Variants in DCDC2C observed in about 807,000 individuals in gnomAD.
The protein encoded by DCDC2C is doublecortin domain containing 2C.
Under a neutral mutation model 45.0 loss-of-function variants are expected in DCDC2C, and 44 were observed. That is an observed-to-expected ratio of 0.98 (90% confidence interval 0.77 to 1.26). DCDC2C has a LOEUF of 1.26. Ranked by LOEUF, DCDC2C falls within the 50% of genes most tolerant of loss-of-function variation. DCDC2C has a pLI of 0.00. For missense variants in DCDC2C, 447 were observed against 468.9 expected, an observed-to-expected ratio of 0.95 and a Z score of 0.43; for synonymous variants, 187 against 178.8, an observed-to-expected ratio of 1.05 and a Z score of -0.37.
intron 1 of DCDC2C, 143 bp from the exon 2 acceptor site, chr2:3,708,406 A>G (rs1668123524): frequency 5.0e-6 from 3 of 595,220 alleles, no homozygotes. Context: ...GGATTCTAAC[A>G]CCGAGAAAAT....
chr2:3,790,203 T>C (rs1225081653), intron 10 of DCDC2C, among the ~76,000 whole-genome samples: 3 of 152,180 alleles, frequency 2.0e-5, no homozygotes, highest in Non-Finnish European at 4.4e-5. Flanking sequence ...ATGCCCCAGA[T>C]GAGAGCAGGT....
At chr2:3,710,579 C>G (rs1341246482) in intron 2 of DCDC2C, among the ~76,000 whole-genome samples, 1 of 152,192 alleles carries the variant, frequency 6.6e-6, no homozygotes. Context: ...GTCACCCAGG[C>G]AGTGAGCATA....
Position 3,734,602 on chromosome 2 carries a change from G to C in DCDC2C, c.417-7318G>C, listed in dbSNP as rs1349923693. ...CTCATTAAGCAGTGGGGTCTGTAGG[G>C]TCTGAACGGGATGAGGAATGTGTGT... On this transcript the variant is annotated intron_variant, in intron 3 of 10. Coordinates refer to ENST00000399143, the MANE Select transcript of DCDC2C (RefSeq NM_001287444.2). The surrounding 1 kb of genome is among the most constrained non-coding windows in gnomAD (Gnocchi z 4.2). Among the ~76,000 whole-genome samples the C allele has an allele frequency of 6.6e-6, 1 of 152,190 alleles. No individual in the cohort carries two copies. The highest frequency in any genetic ancestry group is 1.9e-4 in the East Asian group (1 of 5,184).
Position 3,732,964 on chromosome 2 carries a change from A to G in DCDC2C, c.416+5885A>G, listed in dbSNP as rs147696743. Among the ~76,000 whole-genome samples the G allele has an allele frequency of 2.3e-3, 350 of 152,308 alleles. 1 individual carries two copies. Among genetic ancestry groups the G allele is most frequent in the Non-Finnish European group, 3.9e-3 (268 of 68,022 alleles). ...AGTCTTCGACTAATATATTGTATTT[A>G]TAATTGCTTGTGTAATTTTGCTAGT... On this transcript the variant is annotated intron_variant, in intron 3 of 10. Transcript: ENST00000399143.
chr2:3,750,853 G>A (rs1275137975), intron 4 of DCDC2C, among the ~76,000 whole-genome samples: 1 of 151,932 alleles, frequency 6.6e-6, no homozygotes, highest in Non-Finnish European at 1.5e-5. Flanking sequence ...TCTTTTCACC[G>A]GTGTCGGCAC....
chr2:3,730,337 G>C (rs1165180681), intron 3 of DCDC2C, among the ~76,000 whole-genome samples: 1 of 152,112 alleles, frequency 6.6e-6, no homozygotes, highest in Middle Eastern at 3.2e-3. Flanking sequence ...AAACCATCCA[G>C]TAAGTGGAGG....
chr2:3,750,534 C>A (rs928653556), intron 4 of DCDC2C, among the ~76,000 whole-genome samples: 1 of 152,052 alleles, frequency 6.6e-6, no homozygotes, highest in Non-Finnish European at 1.5e-5. Flanking sequence ...CTTTAATGTT[C>A]TTTCCTTCTA....
At chr2:3,798,487 A>T (rs1187108077) in intron 10 of DCDC2C, among the ~76,000 whole-genome samples, 1 of 150,448 alleles carries the variant, frequency 6.6e-6, no homozygotes, top group Non-Finnish European at 1.5e-5. Flanking sequence ...ACATTTTGGC[A>T]TGATTTTGCA....
intron 4 of DCDC2C, among the ~76,000 whole-genome samples, chr2:3,745,877 T>A (rs1250649334): frequency 1.8e-5 from 2 of 114,046 alleles, no homozygotes; most frequent in East Asian, 5.3e-4. Context: ...TCATGACTAA[T>A]TTTTTTTTTT....
chr2:3,729,382 C>T (rs776149764), intron 3 of DCDC2C, among the ~76,000 whole-genome samples: 1 of 152,190 alleles, frequency 6.6e-6, no homozygotes, highest in African/African-American at 2.4e-5. Flanking sequence ...CACAGCTGGA[C>T]ATTAGTGAAA....
chr2:3,723,562 T>C (rs1349646285), intron 2 of DCDC2C, among the ~76,000 whole-genome samples: 1 of 152,156 alleles, frequency 6.6e-6, no homozygotes, highest in African/African-American at 2.4e-5. Context: ...CCAGCTTGCA[T>C]GGCCCGAGGC....
At chr2:3,779,322 C>T (rs919369414) in intron 9 of DCDC2C, among the ~76,000 whole-genome samples, 49 of 152,248 alleles carry the variant, frequency 3.2e-4, no homozygotes, top group South Asian at 1.4e-3. Flanking sequence ...AGGGTGAGGG[C>T]GTGCGGTGCC....
intron 7 of DCDC2C, 45 bp from the exon 8 acceptor site, chr2:3,769,266 C>T (rs774270953): frequency 6.6e-7 from 1 of 1,524,046 alleles, no homozygotes. Context: ...TGGACTCCAG[C>T]TTCTCCATGG....
At chr2:3,799,587 G>A (rs201075747) in intron 10 of DCDC2C, among the ~76,000 whole-genome samples, 39 of 148,304 alleles carry the variant, frequency 2.6e-4, no homozygotes, top group Non-Finnish European at 3.0e-4. Context: ...CCTTCTAACA[G>A]ACAGGACCCT....
chr2:3,711,093 G>T (rs1049218082), intron 2 of DCDC2C, among the ~76,000 whole-genome samples: 4 of 152,078 alleles, frequency 2.6e-5, no homozygotes, highest in Non-Finnish European at 5.9e-5. Context: ...TCTGTTTTTT[G>T]ACTTTTTCAA....
chr2:3,753,448 G>A (rs940388254), intron 5 of DCDC2C, among the ~76,000 whole-genome samples: 4 of 152,210 alleles, frequency 2.6e-5, no homozygotes, highest in South Asian at 2.1e-4. Flanking sequence ...AAGCCCATCT[G>A]TGGGATTCTT....
intron 10 of DCDC2C, among the ~76,000 whole-genome samples, chr2:3,836,440 C>T (rs73913827): frequency 0.025 from 3,855 of 152,216 alleles, 162 homozygotes; most frequent in African/African-American, 0.086. Context: ...CACGTTAGTT[C>T]GGGGGAAATC....
chr2:3,755,546 GATGT>G (rs1354200262), intron 6 of DCDC2C, among the ~76,000 whole-genome samples: 4 of 150,798 alleles, frequency 2.7e-5, no homozygotes, highest in East Asian at 2.0e-4. Context: ...AATGTGTAGG[GATGT>G]ATGTGTGTGC....
chr2:3,788,919 C>T (rs1670732354), intron 10 of DCDC2C, among the ~76,000 whole-genome samples: 1 of 150,048 alleles, frequency 6.7e-6, no homozygotes, highest in South Asian at 2.1e-4. Flanking sequence ...CTGTCACCTG[C>T]AAGCTCCGCC....
Sources: gnomAD v4.1 joint callset for allele counts (sites outside exome capture counted in the v4.1 genomes callset) on GRCh38, gnomAD v4.1.1 for gene constraint, Gnocchi (gnomAD v3.1) non-coding constraint, MANE v1.5 for transcripts, NCBI Gene and HGNC (gene_info 2026-07-23, HGNC 2026-07-21) for gene names.